DEPTOR: variants seen among roughly 807,000 people sequenced by gnomAD.
DEPTOR encodes DEP domain containing MTOR interacting protein.
A neutral mutation model predicts 41.6 loss-of-function variants in DEPTOR; 41 were observed. The ratio of observed to expected loss-of-function variants is 0.98; its 90% CI spans 0.77 to 1.28. DEPTOR has a LOEUF of 1.28. DEPTOR is among the 50% of genes most tolerant of loss of function. The pLI is 0.00. For synonymous variants in DEPTOR, 195 were observed against 192.3 expected (o/e 1.01, Z -0.12); for missense variants, 514 against 527.9 (o/e 0.97, Z 0.26).
At chr8:119,885,552 C>A (rs886674938) in intron 1 of DEPTOR, among the ~76,000 whole-genome samples, 2 of 152,066 alleles carry the variant, frequency 1.3e-5, no homozygotes, top group African/African-American at 2.4e-5. Context: ...TAGCCTAGGT[C>A]GTCATGAGAG....
chr8:119,940,483 C>T (rs751898979), intron 3 of DEPTOR, among the ~76,000 whole-genome samples: 5 of 152,112 alleles, frequency 3.3e-5, no homozygotes, highest in Non-Finnish European at 5.9e-5. Flanking sequence ...CAGTGGCTCA[C>T]GCCTGTCATC....
In DEPTOR at chr8:120,041,771, C is replaced by G. The variant is rs185374566; in HGVS notation, c.1102-7805C>G. Among the ~76,000 whole-genome samples, 15 of 152,230 alleles carry G rather than the reference C, an allele frequency of 9.9e-5. No homozygotes were observed. The East Asian group carries it at 2.9e-3, about 29-fold the overall frequency. On this transcript the variant is annotated intron_variant, in intron 8 of 8. Coordinates refer to ENST00000286234, the MANE Select transcript of DEPTOR (RefSeq NM_022783.4). ...CAGGCTGGTCTTGAACTCATGATCT[C>G]AGGTGATCCACCCACCTCGCCTCCC...
chr8:119,978,392 CAG>C (rs1443699786), intron 4 of DEPTOR, among the ~76,000 whole-genome samples: 6 of 152,140 alleles, frequency 3.9e-5, no homozygotes, highest in African/African-American at 1.4e-4. Flanking sequence ...CTGGGTGGAA[CAG>C]AGAGTTCAAA....
intron 8 of DEPTOR, 86 bp downstream of exon 8, chr8:120,009,219 A>G: frequency 8.5e-7 from 1 of 1,171,978 alleles, no homozygotes; most frequent in East Asian, 2.5e-5. Flanking sequence ...AGGGATCCAA[A>G]CCCATCTTAT....
chr8:119,915,210 C>T (rs1827796631), intron 1 of DEPTOR, among the ~76,000 whole-genome samples: 1 of 152,174 alleles, frequency 6.6e-6, no homozygotes, highest in South Asian at 2.1e-4. Context: ...CGTGATATGC[C>T]TGCCTCAGCC....
At chr8:119,974,785 G>C (rs370591684) in intron 4 of DEPTOR, among the ~76,000 whole-genome samples, 19 of 151,566 alleles carry the variant, frequency 1.3e-4, no homozygotes, top group East Asian at 1.2e-3. Flanking sequence ...AAAAAAAGGT[G>C]GGGGGGTGGG....
chr8:120,035,572 C>G (rs1812968517), intron 8 of DEPTOR, among the ~76,000 whole-genome samples: 2 of 152,132 alleles, frequency 1.3e-5, no homozygotes, highest in Non-Finnish European at 2.9e-5. Context: ...GCCTTCTTTT[C>G]AGCAACTGGA....
rs1177103228 is a variant in DEPTOR at position 120,002,791 on chromosome 8, AATAT to A, written c.791-168_791-165del. Reference sequence around the variant, plus strand: ...GACTCCATCTCAAAAAAAAAAAAAAAATATATATATATATATATATAATATAAAG... The same window carrying A: ...GACTCCATCTCAAAAAAAAAAAAAAAATATATATATATATATAATATAAAG... On this transcript the variant is annotated intron_variant, in intron 5 of 8. Transcript: ENST00000286234. Among the ~76,000 whole-genome samples the A allele has an allele frequency of 1.6e-4, 10 of 60,672 alleles. No homozygotes were observed. In the East Asian group the frequency reaches 2.6e-3, roughly 16 times the overall value. The allele number at this position is 60,672 out of a possible 152,430, so 39.8% of individuals were successfully genotyped here.
intron 4 of DEPTOR, among the ~76,000 whole-genome samples, chr8:119,981,240 A>T: frequency 6.6e-6 from 1 of 152,172 alleles, no homozygotes; most frequent in Admixed American, 6.5e-5. Flanking sequence ...AATTAACACC[A>T]AATTCTACAC....
At chr8:119,990,798 G>GT (rs1812147005) in intron 4 of DEPTOR, among the ~76,000 whole-genome samples, 1 of 152,188 alleles carries the variant, frequency 6.6e-6, no homozygotes, top group Non-Finnish European at 1.5e-5. Context: ...TGCTAAGGAA[G>GT]TAATTATTTT....
At chr8:119,973,100 C>G (rs1442461943) in intron 4 of DEPTOR, among the ~76,000 whole-genome samples, 1 of 151,910 alleles carries the variant, frequency 6.6e-6, no homozygotes, top group East Asian at 1.9e-4. Flanking sequence ...CCACCACACC[C>G]GGCTAATTTT....
At chr8:119,931,657 A>G (rs377141368) in intron 3 of DEPTOR, among the ~76,000 whole-genome samples, 6 of 152,300 alleles carry the variant, frequency 3.9e-5, no homozygotes, top group South Asian at 4.1e-4. Context: ...TCAGTCTACT[A>G]TCACTTGCTT....
chr8:120,026,956 C>T (rs547102956), intron 8 of DEPTOR, among the ~76,000 whole-genome samples: 67 of 152,170 alleles, frequency 4.4e-4, no homozygotes, highest in South Asian at 1.2e-3. Flanking sequence ...TGGTGGCTCA[C>T]GCCTATAATC....
chr8:119,874,032 C>T (rs547886924), intron 1 of DEPTOR, 64 bp downstream of exon 1: 5 of 1,594,476 alleles, frequency 3.1e-6, no homozygotes, highest in Admixed American at 1.8e-5. Flanking sequence ...CGCTGCAGTC[C>T]TGCGCGCACG....
At chr8:119,990,867 G>A (rs1812148079) in intron 4 of DEPTOR, among the ~76,000 whole-genome samples, 1 of 152,236 alleles carries the variant, frequency 6.6e-6, no homozygotes, top group Middle Eastern at 3.4e-3. Flanking sequence ...CAAGCAGCTA[G>A]CACCGTTTTT....
intron 8 of DEPTOR, among the ~76,000 whole-genome samples, chr8:120,019,340 T>G (rs915497053): frequency 6.6e-6 from 1 of 152,116 alleles, no homozygotes; most frequent in Non-Finnish European, 1.5e-5. Context: ...TGCATACCTT[T>G]TAAGTGTATA....
At chr8:119,993,816 G>A (rs1489428080) in intron 4 of DEPTOR, among the ~76,000 whole-genome samples, 1 of 151,626 alleles carries the variant, frequency 6.6e-6, no homozygotes, top group Non-Finnish European at 1.5e-5. Flanking sequence ...TATGTAGCAA[G>A]GATTTTTATA....
At chr8:120,021,974 C>T (rs1025165799) in intron 8 of DEPTOR, among the ~76,000 whole-genome samples, 1 of 151,912 alleles carries the variant, frequency 6.6e-6, no homozygotes, top group African/African-American at 2.4e-5. Context: ...AGCAAGACCT[C>T]ACCTCTACAG....
chr8:119,888,105 A>T (rs984649022), intron 1 of DEPTOR, among the ~76,000 whole-genome samples: 1 of 152,012 alleles, frequency 6.6e-6, no homozygotes, highest in Non-Finnish European at 1.5e-5. Context: ...ACAGAGGTGA[A>T]CCACTGTACT....
Sources: allele counts gnomAD v4.1 joint callset (sites outside exome capture counted in the v4.1 genomes callset), GRCh38; gene constraint gnomAD v4.1.1; transcripts MANE v1.5; gene names NCBI Gene and HGNC (gene_info 2026-07-23, HGNC 2026-07-21).